The following NID2 variants were observed in gnomAD, a reference collection of about 807,000 sequenced individuals.
The protein encoded by NID2 is nidogen 2.
NID2 carries 83 observed loss-of-function variants against 145.4 expected under a neutral mutation model. That is an observed-to-expected ratio of 0.57 (90% CI 0.48 to 0.69). The LOEUF is 0.69. Ranked by LOEUF, NID2 falls within the 30% of genes least tolerant of loss-of-function variation. The pLI is 0.00. For synonymous variants in NID2, 739 were observed against 701.3 expected, an observed-to-expected ratio of 1.05 and a Z score of -0.85; for missense variants, 1,807 against 1,765.7, an observed-to-expected ratio of 1.02 and a Z score of -0.42.
chr14:52,014,583 G>T, intron 15 of NID2, 127 bp from the exon 16 acceptor site: 1 of 922,794 alleles, frequency 1.1e-6, no homozygotes. Flanking sequence ...ACGCAGATGT[G>T]CTCCAGATGT....
rs1341767003 is a variant in NID2 at position 52,020,038 on chromosome 14, AT to A, written c.2794+20del. The A allele has an allele frequency of 6.2e-7, 1 of 1,613,228 alleles. No homozygotes were observed. Among genetic ancestry groups the A allele is most frequent in the East Asian group, 2.2e-5 (1 of 44,860 alleles). On this transcript the variant is annotated intron_variant, in intron 13 of 21. Transcript: ENST00000216286. ...AGGAGCTAAGAGATTCATGTGCCTA[AT>A]CTGGCCCTCTGAAACTTACCAGGTA... is the stretch of plus-strand genomic sequence containing the variant.
rs543862314 is a variant in NID2, at chr14:52,018,956, T to C, written c.3028+105A>G. 56 of 752,020 alleles carry C rather than the reference T, an allele frequency of 7.4e-5. 1 individual carries two copies. The highest frequency in any genetic ancestry group is 7.3e-4 in the South Asian group (43 of 59,174). The allele number at this position is 752,020 out of a possible 1,614,324, so 46.6% of individuals were successfully genotyped here. A position where few individuals can be genotyped will look rare whatever the true frequency, so the allele number is the denominator to read the frequency against. On this transcript the variant is annotated intron_variant, in intron 14 of 21. Coordinates refer to ENST00000216286, the MANE Select transcript of NID2 (RefSeq NM_007361.4). ...CAAGTCTTCTCAGGAGGAAAGAGGCTATGAAGGATGGTGACTGGCCCCGTG... is the reference window on the plus strand; with the variant it reads ...CAAGTCTTCTCAGGAGGAAAGAGGCCATGAAGGATGGTGACTGGCCCCGTG...
In NID2 at chr14:52,067,858, C is replaced by T. The variant is rs1893275455; in HGVS notation, c.534G>A (p.Glu178=). The T allele has an allele frequency of 6.2e-7, 1 of 1,611,328 alleles. No homozygotes were observed. Among genetic ancestry groups the T allele is most frequent in the Admixed American group, 1.7e-5 (1 of 59,878 alleles). ...CAGTCAAATATCCCTGGTCACTTAC[C>T]TCTCCCGAGGGCAGCGCCCCGCGCT... ...EVKRGALPSG[E]LNTFQAVLAS... is the part of the protein sequence containing the mutation. The change falls in exon 2 of 22, where the codon GAG becomes GAA. Residue 178 remains glutamate (E), a splice_region_variant and synonymous_variant. Coordinates refer to ENST00000216286, the MANE Select transcript of NID2 (RefSeq NM_007361.4).
At chr14:52,041,897 T>C (rs1184665090) in intron 7 of NID2, among the ~76,000 whole-genome samples, 1 of 152,198 alleles carries the variant, frequency 6.6e-6, no homozygotes, top group East Asian at 1.9e-4. Context: ...TGGGAGAACA[T>C]TTAGACGAAA....
Position 52,068,867 on chromosome 14 carries a change from C to A in NID2, c.128G>T (p.Trp43Leu), listed in dbSNP as rs1352611203. 3.7e-6 allele frequency: 6 copies of A among 1,613,944 alleles called. No individual in the cohort carries two copies. The highest frequency in any genetic ancestry group is 2.2e-5 in the South Asian group (2 of 91,092). ...PDELFPHGES[W>L]GDQLLQEGDD... ...GCCTTCCTGCAGGAGCTGGTCCCCC[C>A]ACGACTCCCCGTGTGGGAAGAGCTC... Residue 43 changes from tryptophan (W) to leucine (L), a missense_variant, in exon 1 of 22, where the codon TGG becomes TTG. Trp to Leu is a moderately conservative substitution (Grantham distance 61). Transcript: ENST00000216286.
intron 9 of NID2, 57 bp from the exon 10 acceptor site, chr14:52,029,747 C>A: frequency 6.6e-7 from 1 of 1,515,334 alleles, no homozygotes; most frequent in South Asian, 1.2e-5. Context: ...GCAAATGTCA[C>A]GGAGATAGAG....
chr14:52,027,932 A>G (rs924872813), intron 11 of NID2, among the ~76,000 whole-genome samples: 1 of 152,000 alleles, frequency 6.6e-6, no homozygotes, highest in Non-Finnish European at 1.5e-5. Context: ...TATCAATGGG[A>G]TGAATTGGGA....
chr14:52,009,076 T>A (rs567616761), intron 18 of NID2: 17 of 152,300 alleles, frequency 1.1e-4, no homozygotes, highest in African/African-American at 3.6e-4. Context: ...AATAAATCAG[T>A]TGGGCTACAG....
rs747395513 is a variant in NID2 at position 52,042,884 on chromosome 14, T to C, written c.1477A>G (p.Arg493Gly). The change falls in exon 6 of 22, where the codon AGA (arginine) becomes GGA (glycine). Residue 493 changes from arginine (R) to glycine (G), a missense_variant. Arg to Gly is a moderately radical substitution (Grantham distance 125, BLOSUM62 -2). Coordinates refer to ENST00000216286, the MANE Select transcript of NID2 (RefSeq NM_007361.4). ...CAGAAGGCATGCCGGGAGCATTGTC[T>C]GTGGTTGTGTTCACAGGTTTCCTTG... ...ANKETCEHNH[R>G]QCSRHAFCTD... is the part of the protein sequence containing the mutation. 8 of 1,614,108 alleles carry C rather than the reference T, an allele frequency of 5.0e-6. No homozygotes were observed. Among genetic ancestry groups the C allele is most frequent in the Middle Eastern group, 3.3e-4 (2 of 6,084 alleles).
At chr14:52,024,307 C>G (rs999582634) in intron 12 of NID2, among the ~76,000 whole-genome samples, 2 of 152,188 alleles carry the variant, frequency 1.3e-5, no homozygotes, top group African/African-American at 4.8e-5. Context: ...GTGATTATGA[C>G]TTCCATCTTG....
intron 7 of NID2, among the ~76,000 whole-genome samples, chr14:52,041,381 A>G (rs1892274338): frequency 6.6e-6 from 1 of 152,246 alleles, no homozygotes; most frequent in Non-Finnish European, 1.5e-5. Context: ...GCAAGAACCT[A>G]TTAACAGCTA....
chr14:52,045,205 G>C (rs1435004755), intron 5 of NID2, among the ~76,000 whole-genome samples: 1 of 152,144 alleles, frequency 6.6e-6, no homozygotes, highest in African/African-American at 2.4e-5. Context: ...AGCAAGCAGG[G>C]AAGATTATCG....
chr14:52,019,064 G>C lies in NID2; in HGVS notation c.3025C>G (p.Pro1009Ala). 1 of 1,613,196 alleles carries C rather than the reference G, an allele frequency of 6.2e-7. No homozygotes were observed. The highest frequency in any genetic ancestry group is 8.5e-7 in the Non-Finnish European group (1 of 1,179,326). The change falls in exon 14 of 22, where the codon CCA (proline) becomes GCA (alanine). Residue 1009 changes from proline (P) to alanine (A), a missense_variant. Pro to Ala is a conservative substitution (Grantham distance 27, BLOSUM62 -1). Coordinates refer to ENST00000216286, the MANE Select transcript of NID2 (RefSeq NM_007361.4). ...TGAGCCCCAGGCCTAAGCTCACCTG[G>C]TGATGGTCCACAGTGAGGCGGGGTG... is the stretch of plus-strand genomic sequence containing the variant. ...GSTPPHCGPS[P>A]EPTQRPPTIC...
Position 52,006,616 on chromosome 14 carries a change from G to A in NID2, c.3925C>T (p.Arg1309Cys), listed in dbSNP as rs372819788. 1.1e-5 allele frequency: 17 copies of A among 1,613,682 alleles called. No homozygotes were observed. Among genetic ancestry groups the A allele is most frequent in the Middle Eastern group, 1.6e-4 (1 of 6,082 alleles). The part of the protein sequence containing the change: ...ECTLPDGTGR[R>C]VIQNNLKYPF... ...TACTTGAGGTTGTTTTGAATGACAC[G>A]CCGTCCAGTTCCATCAGGTAGTGTA... is the stretch of plus-strand genomic sequence containing the variant. Residue 1309 changes from arginine to cysteine, a missense_variant, in exon 20 of 22, where the codon CGT (arginine) becomes TGT (cysteine). Transcript: ENST00000216286.
chr14:52,041,181 A>G (rs913561016), intron 7 of NID2, among the ~76,000 whole-genome samples: 1 of 151,848 alleles, frequency 6.6e-6, no homozygotes, highest in African/African-American at 2.4e-5. Flanking sequence ...CCTAACAACA[A>G]AAAAACAAAA....
intron 2 of NID2, among the ~76,000 whole-genome samples, chr14:52,065,218 C>T (rs1893146396): frequency 6.6e-6 from 1 of 152,140 alleles, no homozygotes; most frequent in South Asian, 2.1e-4. Flanking sequence ...GGCAAAGATG[C>T]CATTGCTTTG....
At chr14:52,032,993 C>T (rs1408373227) in intron 9 of NID2, among the ~76,000 whole-genome samples, 4 of 152,298 alleles carry the variant, frequency 2.6e-5, no homozygotes, top group African/African-American at 9.6e-5. Context: ...TGGTTCAAAG[C>T]AAAGCGTTAA....
chr14:52,029,823 A>G (rs890128140), intron 9 of NID2, 133 bp from the exon 10 acceptor site: 3 of 700,750 alleles, frequency 4.3e-6, no homozygotes, highest in East Asian at 5.5e-5. Flanking sequence ...TAAATTATCC[A>G]TATCTGAAGC....
At position 52,005,202 on chromosome 14, in the gene NID2, T is replaced by TATTAATGATAAATGTTTA. The variant is rs1890714597; in HGVS notation, c.*266_*283dup. 3.3e-6 allele frequency: 1 copy of TATTAATGATAAATGTTTA among 305,360 alleles called. No individual in the cohort carries two copies. Among genetic ancestry groups the TATTAATGATAAATGTTTA allele is most frequent in the Admixed American group, 4.7e-5 (1 of 21,430 alleles). The allele number at this position is 305,360 out of a possible 1,614,324, so 18.9% of individuals were successfully genotyped here. A position where few individuals can be genotyped will look rare whatever the true frequency, so the allele number is the denominator to read the frequency against. Reference sequence around the variant, plus strand: ...AGTTGAATGAATTTGATCTTTTAAATATTAATGATAAATGTTTACAAGAAG... The same window carrying TATTAATGATAAATGTTTA: ...AGTTGAATGAATTTGATCTTTTAAATATTAATGATAAATGTTTAATTAATGATAAATGTTTACAAGAAG... On this transcript the variant is annotated 3_prime_UTR_variant, in exon 22 of 22. Coordinates refer to ENST00000216286, the MANE Select transcript of NID2 (RefSeq NM_007361.4).
Sources: allele counts gnomAD v4.1 joint callset (sites outside exome capture counted in the v4.1 genomes callset), GRCh38; gene constraint gnomAD v4.1.1; transcripts MANE v1.5; gene names NCBI Gene and HGNC (gene_info 2026-07-23, HGNC 2026-07-21).